Variants in HNRNPM observed in about 807,000 individuals in gnomAD.
The protein encoded by HNRNPM is heterogeneous nuclear ribonucleoprotein M, also known as CEA receptor.
Under a neutral mutation model 73.1 loss-of-function variants are expected in HNRNPM, and 11 were observed. The ratio of observed to expected loss-of-function variants is 0.15; its 90% confidence interval spans 0.09 to 0.25. The LOEUF (loss-of-function observed/expected upper bound fraction) is 0.25, where lower values mean the gene tolerates loss of function less well. Ranked by LOEUF, HNRNPM falls within the 10% of genes least tolerant of loss-of-function variation. The pLI is 1.00. For synonymous variants in HNRNPM, 407 were observed against 355.2 expected (o/e 1.15, Z -1.64); for missense variants, 789 against 1,067.9 (o/e 0.74, Z 3.64).
In HNRNPM at chr19:8,467,573, C is replaced by T. The variant is rs1325566717; in HGVS notation, c.823C>T (p.His275Tyr). ...NGQLLFDRPM[H>Y]VKMDERALPK... ...CCAGCTGCTATTTGATAGACCAATG[C>T]ACGTCAAGATGGTAAGTCAGTAGGA... Residue 275 changes from histidine (H) to tyrosine (Y), a missense_variant, in exon 8 of 16, where the codon CAC (histidine) becomes TAC (tyrosine). Physicochemically the swap from His to Tyr is moderately conservative, Grantham distance 83. This residue lies in a region of HNRNPM where 604 missense variants were observed against 744.0 expected (regional missense o/e 0.81). Transcript: ENST00000325495. The T allele has an allele frequency of 6.2e-7, 1 of 1,609,880 alleles. No individual in the cohort carries two copies.
rs1267506742 is a variant in HNRNPM at position 8,486,063 on chromosome 19, C to T, written c.1635C>T (p.Gly545=). Residue 545 remains glycine, a synonymous_variant, in exon 14 of 16, where the codon GGC becomes GGT. Coordinates refer to ENST00000325495, the MANE Select transcript of HNRNPM (RefSeq NM_005968.5). ...AGMGAGLERM[G]PVMDRMATGL... The stretch of plus-strand genomic sequence containing the variant: ...TGGGAGCTGGCCTGGAGCGCATGGG[C>T]CCCGTGATGGATCGCATGGCCACCG... 5.6e-6 allele frequency: 9 copies of T among 1,606,170 alleles called. No individual in the cohort carries two copies. The highest frequency in any genetic ancestry group is 1.3e-5 in the African/African-American group (1 of 74,622).
chr19:8,460,887 C>T (rs1421997776), intron 2 of HNRNPM, among the ~76,000 whole-genome samples: 1 of 152,186 alleles, frequency 6.6e-6, no homozygotes, highest in Non-Finnish European at 1.5e-5. Context: ...GTTGGTGGTC[C>T]TTGAATGGCT....
intron 10 of HNRNPM, 59 bp downstream of exon 10, chr19:8,471,486 G>C: frequency 9.9e-7 from 1 of 1,014,602 alleles, no homozygotes; most frequent in Non-Finnish European, 1.5e-6. Context: ...ATTAATTATT[G>C]GGACAACTGG....
At chr19:8,473,835 C>T (rs900378305) in intron 11 of HNRNPM, 127 bp downstream of exon 11, 12 of 679,694 alleles carry the variant, frequency 1.8e-5, no homozygotes, top group Non-Finnish European at 2.8e-5. Flanking sequence ...CTAGAAATGA[C>T]TTCCTCCTGC....
intron 14 of HNRNPM, 112 bp downstream of exon 14, chr19:8,486,517 C>T (rs1971321896): frequency 1.2e-6 from 1 of 858,214 alleles, no homozygotes; most frequent in Non-Finnish European, 1.8e-6. Flanking sequence ...ACCACACCTC[C>T]TTGCCACTGT....
intron 8 of HNRNPM, 82 bp downstream of exon 8, chr19:8,467,666 A>G (rs536303902): frequency 1.2e-4 from 121 of 1,004,696 alleles, no homozygotes; most frequent in Admixed American, 6.8e-4. Flanking sequence ...TATAGCCACT[A>G]TGAAATATTT....
rs759676186 is a variant in HNRNPM at position 8,474,149 on chromosome 19, T to C, written c.1043-18T>C. On this transcript the variant is annotated intron_variant, in intron 11 of 15. Transcript: ENST00000325495. Reference sequence around the variant, plus strand: ...GCAGTCTTGTTGGATGATGCTGAAATGTGAACCTCTCTTGCAGGAATGGAG... The same window carrying C: ...GCAGTCTTGTTGGATGATGCTGAAACGTGAACCTCTCTTGCAGGAATGGAG... 1.3e-6 allele frequency: 2 copies of C among 1,566,806 alleles called. No homozygotes were observed. The highest frequency in any genetic ancestry group is 1.2e-5 in the South Asian group (1 of 84,856).
chr19:8,485,731 G>A lies in HNRNPM; in HGVS notation c.1303G>A (p.Glu435Lys), dbSNP rs759128424. 12 of 1,606,088 alleles carry A rather than the reference G, an allele frequency of 7.5e-6. No individual in the cohort carries two copies. Among genetic ancestry groups the A allele is most frequent in the African/African-American group, 2.7e-5 (2 of 74,810 alleles). ...HGMDRVGSEI[E>K]RMGLVMDRMG... is the part of the protein sequence containing the mutation. ...CATGGATCGCGTGGGCTCCGAGATC[G>A]AGCGCATGGGCCTGGTCATGGACCG... The change falls in exon 14 of 16, where the codon GAG (glutamate) becomes AAG (lysine). Residue 435 changes from glutamate to lysine, a missense_variant. By Grantham distance (56) the Glu-to-Lys change is moderately conservative. Transcript: ENST00000325495.
At chr19:8,450,042 G>A (rs1968496628) in intron 1 of HNRNPM, among the ~76,000 whole-genome samples, 1 of 152,202 alleles carries the variant, frequency 6.6e-6, no homozygotes, top group Admixed American at 6.6e-5. Flanking sequence ...CTGGTAAAGC[G>A]CTAGAGACAG....
In HNRNPM at chr19:8,462,546, G is replaced by A; in HGVS notation, c.301G>A (p.Val101Met). The A allele has an allele frequency of 2.5e-6, 4 of 1,613,866 alleles. No individual in the cohort carries two copies. The highest frequency in any genetic ancestry group is 3.4e-6 in the Non-Finnish European group (4 of 1,179,774). ...ATTTGTAGTTGGTGAGGTAACATAC[G>A]TGGAGCTCTTAATGGACGCTGAAGG... Reference protein sequence around the residue: ...VKEKVGEVTYVELLMDAEGKS... With the variant: ...VKEKVGEVTYMELLMDAEGKS... The change falls in exon 3 of 16, where the codon GTG (valine) becomes ATG (methionine). Residue 101 changes from valine to methionine, a missense_variant. By Grantham distance (21) the Val-to-Met change is conservative (BLOSUM62 1). Transcript: ENST00000325495. This position sits in a 1 kb window ranked among gnomAD's most constrained non-coding sequence, Gnocchi z 4.5.
chr19:8,487,175 C>A (rs1971374757), intron 15 of HNRNPM, 100 bp downstream of exon 15: 18 of 1,000,932 alleles, frequency 1.8e-5, no homozygotes, highest in Non-Finnish European at 2.7e-5. Flanking sequence ...TCCGTCGGCT[C>A]AGGACCCATG....
At chr19:8,464,494 G>A (rs998550349) in intron 5 of HNRNPM, among the ~76,000 whole-genome samples, 10 of 151,838 alleles carry the variant, frequency 6.6e-5, no homozygotes, top group African/African-American at 1.4e-4. Flanking sequence ...TTAGCTGGGC[G>A]TAGTGGGGGG....
intron 1 of HNRNPM, chr19:8,445,411 C>T: frequency 3.5e-6 from 1 of 287,252 alleles, no homozygotes; most frequent in Non-Finnish European, 6.5e-6. Flanking sequence ...ATGGCGCGGG[C>T]CCGGACCGGA....
At chr19:8,475,404 G>C (rs976703037) in intron 12 of HNRNPM, among the ~76,000 whole-genome samples, 1 of 152,352 alleles carries the variant, frequency 6.6e-6, no homozygotes, top group East Asian at 1.9e-4. Context: ...TTTTTACACA[G>C]AAACTTTCTT....
At chr19:8,460,259 G>A (rs1410806103) in intron 2 of HNRNPM, among the ~76,000 whole-genome samples, 1 of 152,208 alleles carries the variant, frequency 6.6e-6, no homozygotes, top group Non-Finnish European at 1.5e-5. Context: ...AGAACCAAAA[G>A]GGAGGTGGTC....
intron 13 of HNRNPM, among the ~76,000 whole-genome samples, 158 bp downstream of exon 13, chr19:8,483,369 T>C (rs930041087): frequency 6.6e-6 from 1 of 152,226 alleles, no homozygotes; most frequent in African/African-American, 2.4e-5. Context: ...GGCAAGTCAC[T>C]GAACCTCTCT....
chr19:8,463,553 G>C, intron 4 of HNRNPM, 40 bp from the exon 5 acceptor site: 1 of 1,612,908 alleles, frequency 6.2e-7, no homozygotes, highest in East Asian at 2.2e-5. Flanking sequence ...CTAACTTGTA[G>C]GACTGGTTTC....
At chr19:8,485,449 G>A (rs931991971) in intron 13 of HNRNPM, among the ~76,000 whole-genome samples, 154 bp from the exon 14 acceptor site, 7 of 152,260 alleles carry the variant, frequency 4.6e-5, no homozygotes, top group African/African-American at 1.4e-4. Flanking sequence ...CCACACAGCT[G>A]TAGCTGTTGT....
chr19:8,447,754 C>T (rs1452756896), intron 1 of HNRNPM, among the ~76,000 whole-genome samples: 2 of 152,088 alleles, frequency 1.3e-5, no homozygotes, highest in Non-Finnish European at 2.9e-5. Context: ...AGGCTGGGCC[C>T]GGCGGCTCAC....
Sources: allele counts gnomAD v4.1 joint callset (sites outside exome capture counted in the v4.1 genomes callset), GRCh38; gene constraint gnomAD v4.1.1; regional missense constraint gnomAD v4.1.1; non-coding constraint Gnocchi (gnomAD v3.1); transcripts MANE v1.5; gene names NCBI Gene and HGNC (gene_info 2026-07-23, HGNC 2026-07-21).